CYP39A1: variants seen among roughly 807,000 people sequenced by gnomAD.
CYP39A1 encodes the protein 24-hydroxycholesterol 7-alpha-hydroxylase.
A neutral mutation model predicts 58.1 loss-of-function variants in CYP39A1; 49 were observed. That is an observed-to-expected ratio of 0.84 (90% CI 0.67 to 1.07). The LOEUF (loss-of-function observed/expected upper bound fraction) is 1.07, where lower values mean the gene tolerates loss of function less well. CYP39A1 is among the 50% of genes least tolerant of loss of function. The pLI, the probability that CYP39A1 is intolerant of heterozygous loss-of-function variation, is 0.00. For synonymous variants in CYP39A1, 209 were observed against 187.6 expected (o/e 1.11, Z -0.93); for missense variants, 531 against 539.4 (o/e 0.98, Z 0.16).
chr6:46,645,886 T>C (rs1458525001), intron 1 of CYP39A1, among the ~76,000 whole-genome samples: 1 of 152,146 alleles, frequency 6.6e-6, no homozygotes, highest in African/African-American at 2.4e-5. Context: ...GTTACATTTA[T>C]ACCTAAATAT....
chr6:46,647,571 A>C (rs1762401546), intron 1 of CYP39A1, among the ~76,000 whole-genome samples: 1 of 152,204 alleles, frequency 6.6e-6, no homozygotes, highest in Non-Finnish European at 1.5e-5. Context: ...TGGGAGGTAG[A>C]CACCATTTCC....
rs1421965952 is a variant in CYP39A1, at chr6:46,621,921, C to T, written c.931+3497G>A. ...AAAAAAATACTTCAAAAAATACTAG[C>T]AAACTGAATCTAGCAACATATAAAG... On this transcript the variant is annotated intron_variant, in intron 7 of 11. Coordinates refer to ENST00000275016, the MANE Select transcript of CYP39A1 (RefSeq NM_016593.5). Among the ~76,000 whole-genome samples the T allele has an allele frequency of 7.9e-5, 12 of 152,184 alleles. No individual in the cohort carries two copies. The East Asian group carries it at 2.3e-3, about 29-fold the overall frequency.
chr6:46,603,426 A>G (rs777682626), intron 7 of CYP39A1, among the ~76,000 whole-genome samples: 2 of 152,194 alleles, frequency 1.3e-5, no homozygotes, highest in Non-Finnish European at 2.9e-5. Context: ...TTCACATGTA[A>G]AATGTGGATT....
intron 10 of CYP39A1, among the ~76,000 whole-genome samples, chr6:46,562,819 A>G (rs1056442304): frequency 1.3e-5 from 2 of 152,050 alleles, no homozygotes; most frequent in African/African-American, 4.8e-5. Flanking sequence ...ATTTTAGTCT[A>G]TGTGATGTTC....
intron 7 of CYP39A1, among the ~76,000 whole-genome samples, chr6:46,615,293 A>G (rs1350352800): frequency 3.3e-5 from 5 of 151,448 alleles, no homozygotes; most frequent in Non-Finnish European, 4.4e-5. Context: ...TTTTATAACT[A>G]TAACTATATA....
chr6:46,649,093 T>C (rs530642701), intron 1 of CYP39A1, among the ~76,000 whole-genome samples: 2 of 152,308 alleles, frequency 1.3e-5, no homozygotes, highest in African/African-American at 4.8e-5. Flanking sequence ...TAACTAAAGA[T>C]TGGGTTCTAG....
intron 8 of CYP39A1, among the ~76,000 whole-genome samples, chr6:46,591,958 T>A (rs1219473634): frequency 6.6e-6 from 1 of 152,190 alleles, no homozygotes; most frequent in Admixed American, 6.5e-5. Flanking sequence ...AAAGGATAAT[T>A]AATATTTCTC....
At chr6:46,564,958 A>C (rs1314458147) in intron 10 of CYP39A1, among the ~76,000 whole-genome samples, 1 of 152,228 alleles carries the variant, frequency 6.6e-6, no homozygotes, top group Non-Finnish European at 1.5e-5. Context: ...TCCCTCTGAG[A>C]AATCTTTTAG....
intron 2 of CYP39A1, among the ~76,000 whole-genome samples, chr6:46,641,016 C>G (rs529163017): frequency 1.3e-5 from 2 of 151,644 alleles, no homozygotes; most frequent in African/African-American, 4.8e-5. Flanking sequence ...TAGTATGCTA[C>G]TATACATCTT....
rs1357715315 is a variant in CYP39A1 at position 46,562,831 on chromosome 6, TA to T, written c.1251-8978del. Among the ~76,000 whole-genome samples the T allele has an allele frequency of 2.0e-5, 3 of 152,058 alleles. No homozygotes were observed. In the East Asian group the frequency reaches 5.8e-4, roughly 29 times the overall value. On this transcript the variant is annotated intron_variant, in intron 10 of 11. Coordinates refer to ENST00000275016, the MANE Select transcript of CYP39A1 (RefSeq NM_016593.5). ...TTAATTTTAGTCTATGTGATGTTCT[TA>T]AAAATGATAAAACTACATTTCCCTT...
intron 10 of CYP39A1, among the ~76,000 whole-genome samples, chr6:46,564,691 G>T (rs1333332755): frequency 6.6e-6 from 1 of 152,156 alleles, no homozygotes; most frequent in African/African-American, 2.4e-5. Context: ...GAATACCTCT[G>T]TCACTTTTAA....
intron 7 of CYP39A1, among the ~76,000 whole-genome samples, chr6:46,600,696 G>T (rs772736009): frequency 2.6e-5 from 4 of 152,136 alleles, no homozygotes; most frequent in East Asian, 3.8e-4. Context: ...GTGCCGGAGG[G>T]TAACACACCC....
Position 46,550,233 on chromosome 6 carries a change from T to C in CYP39A1, c.*133A>G. On this transcript the variant is annotated 3_prime_UTR_variant, in exon 12 of 12. Transcript: ENST00000275016. ...GAAGATACCAAACACATGCACCATT[T>C]GAATGTGTTCTTGAACTAAGTCCTA... is the stretch of plus-strand genomic sequence containing the variant. The C allele has an allele frequency of 1.7e-6, 1 of 603,238 alleles. No homozygotes were observed. The highest frequency in any genetic ancestry group is 2.9e-6 in the Non-Finnish European group (1 of 346,862). The allele number at this position is 603,238 out of a possible 1,614,324, so 37.4% of individuals were successfully genotyped here.
chr6:46,598,168 G>C (rs1773283215), intron 7 of CYP39A1, among the ~76,000 whole-genome samples: 1 of 152,032 alleles, frequency 6.6e-6, no homozygotes, highest in African/African-American at 2.4e-5. Flanking sequence ...TGATTCACTG[G>C]ACACATTAGT....
At chr6:46,607,653 G>A (rs1026042708) in intron 7 of CYP39A1, among the ~76,000 whole-genome samples, 1 of 152,132 alleles carries the variant, frequency 6.6e-6, no homozygotes, top group Non-Finnish European at 1.5e-5. Context: ...AACTCATTCA[G>A]ACCTTTGGAA....
At chr6:46,579,109 C>A (rs806485) in intron 10 of CYP39A1, among the ~76,000 whole-genome samples, 27,111 of 151,914 alleles carry the variant, frequency 0.18, 4,711 homozygotes, top group African/African-American at 0.44. Context: ...AAAGCTAATC[C>A]ACCATACTTT....
intron 11 of CYP39A1, among the ~76,000 whole-genome samples, chr6:46,552,178 C>T (rs1561944630): frequency 6.6e-6 from 1 of 152,098 alleles, no homozygotes; most frequent in African/African-American, 2.4e-5. Flanking sequence ...TTCTGGTGTC[C>T]TCTTGCTGGT....
At chr6:46,630,812 T>G in intron 6 of CYP39A1, 151 bp downstream of exon 6, 1 of 630,796 alleles carries the variant, frequency 1.6e-6, no homozygotes, top group Non-Finnish European at 2.7e-6. Context: ...CATTCAGTTT[T>G]GGTTTTTATC....
chr6:46,650,314 C>T (rs1762597633), intron 1 of CYP39A1, among the ~76,000 whole-genome samples: 1 of 151,222 alleles, frequency 6.6e-6, no homozygotes, highest in Admixed American at 6.6e-5. Flanking sequence ...TGGTGTGAGC[C>T]TTCCTGCATG....
Sources: gnomAD v4.1 joint callset for allele counts (sites outside exome capture counted in the v4.1 genomes callset) on GRCh38, gnomAD v4.1.1 for gene constraint, MANE v1.5 for transcripts, NCBI Gene and HGNC (gene_info 2026-07-23, HGNC 2026-07-21) for gene names.